PSMF1: variants seen among roughly 807,000 people sequenced by gnomAD.
PSMF1 encodes proteasome inhibitor subunit 1.
Under a neutral mutation model 29.3 loss-of-function variants are expected in PSMF1, and 30 were observed. That is an observed-to-expected ratio of 1.02 (90% CI 0.77 to 1.39). The LOEUF is 1.39. Ranked by LOEUF, PSMF1 falls within the 40% of genes most tolerant of loss-of-function variation. PSMF1 has a pLI of 0.00. For synonymous variants in PSMF1, 134 were observed against 139.7 expected (o/e 0.96, Z 0.29); for missense variants, 344 against 357.5 (o/e 0.96, Z 0.31).
intron 1 of PSMF1, 77 bp downstream of exon 1, chr20:1,118,979 G>T: frequency 6.5e-7 from 1 of 1,539,868 alleles, no homozygotes; most frequent in Middle Eastern, 1.7e-4. Context: ...GCCTGGTCCA[G>T]AGCGCCCGAT....
intron 4 of PSMF1, among the ~76,000 whole-genome samples, chr20:1,154,918 G>A (rs2086574866): frequency 1.3e-5 from 2 of 152,352 alleles, no homozygotes; most frequent in East Asian, 3.9e-4. Context: ...TAGCAGCTGG[G>A]AAGGCAGCCA....
chr20:1,116,289 A>AT (rs147130864), upstream of PSMF1, among the ~76,000 whole-genome samples: 4,382 of 152,332 alleles, frequency 0.029, 201 homozygotes, highest in African/African-American at 0.1. Flanking sequence ...GGGAAGACTG[A>AT]AAGTGCAGAA....
chr20:1,127,650 CT>C, intron 3 of PSMF1, 142 bp downstream of exon 3: 1 of 703,566 alleles, frequency 1.4e-6, no homozygotes, highest in Non-Finnish European at 2.4e-6. Context: ...TCCTAATTTT[CT>C]TTTCTGTTTT....
intron 2 of PSMF1, chr20:1,127,186 C>T: frequency 1.5e-6 from 1 of 674,798 alleles, no homozygotes; most frequent in Admixed American, 2.1e-5. Context: ...CATGCCTGAG[C>T]CCTTTTGCAA....
At chr20:1,135,792 T>G (rs1243841965) in intron 4 of PSMF1, among the ~76,000 whole-genome samples, 1 of 152,228 alleles carries the variant, frequency 6.6e-6, no homozygotes, top group East Asian at 1.9e-4. Context: ...GTTCAGAAGT[T>G]TTCCAAAATA....
intron 4 of PSMF1, chr20:1,161,458 A>T: frequency 2.1e-6 from 1 of 475,532 alleles, no homozygotes; most frequent in South Asian, 2.6e-5. Flanking sequence ...CTGTATGCCA[A>T]CACGGTGCTG....
rs746406333 is a variant in PSMF1, at chr20:1,170,272, T to C, written c.*5192T>C. ...TGTGTAAACTTAAAGTGAGAGAAGC[T>C]CACATGGACTATGTCTTTTTCCTTT... On this transcript the variant is annotated 3_prime_UTR_variant, in exon 7 of 7. Coordinates refer to ENST00000335877, the MANE Select transcript of PSMF1 (RefSeq NM_006814.5). Among the ~76,000 whole-genome samples the C allele has an allele frequency of 2.0e-4, 31 of 152,188 alleles. No homozygotes were observed. The highest frequency in any genetic ancestry group is 3.2e-4 in the Non-Finnish European group (22 of 68,036).
intron 4 of PSMF1, among the ~76,000 whole-genome samples, chr20:1,137,681 G>A (rs2086324650): frequency 6.6e-6 from 1 of 152,162 alleles, no homozygotes; most frequent in Non-Finnish European, 1.5e-5. Context: ...AAAATGCAGT[G>A]TTGGACCTTG....
chr20:1,142,541 A>G (rs543043774), intron 4 of PSMF1, among the ~76,000 whole-genome samples: 52 of 152,232 alleles, frequency 3.4e-4, no homozygotes, highest in Non-Finnish European at 6.6e-4. Context: ...TGCCCTTGCA[A>G]TAGTTTGCTG....
At chr20:1,139,757 A>AGG (rs57718820) in intron 4 of PSMF1, among the ~76,000 whole-genome samples, 1 of 147,800 alleles carries the variant, frequency 6.8e-6, no homozygotes, top group Non-Finnish European at 1.5e-5. Context: ...AAAAAAAAAA[A>AGG]CGATAAAAAT....
At chr20:1,129,350 C>T (rs2086200428) in intron 3 of PSMF1, among the ~76,000 whole-genome samples, 1 of 152,172 alleles carries the variant, frequency 6.6e-6, no homozygotes, top group Non-Finnish European at 1.5e-5. Flanking sequence ...CTTAACCGAA[C>T]CTCAGAACTG....
intron 4 of PSMF1, among the ~76,000 whole-genome samples, chr20:1,149,283 C>G (rs2086495789): frequency 6.6e-6 from 1 of 152,212 alleles, no homozygotes; most frequent in Non-Finnish European, 1.5e-5. Flanking sequence ...AATGTGGAAT[C>G]AATCCATACC....
upstream of PSMF1, among the ~76,000 whole-genome samples, chr20:1,117,026 T>A (rs888964156): frequency 1.4e-4 from 21 of 152,178 alleles, no homozygotes; most frequent in African/African-American, 4.3e-4. Context: ...TGCTGGAGGA[T>A]CAGACCAGAG....
At chr20:1,146,738 T>C (rs1377117121) in intron 4 of PSMF1, among the ~76,000 whole-genome samples, 18 of 152,214 alleles carry the variant, frequency 1.2e-4, no homozygotes, top group Admixed American at 3.3e-4. Flanking sequence ...CTTACACCTT[T>C]CCCTGTCTCA....
At chr20:1,152,438 T>A (rs1207317670) in intron 4 of PSMF1, among the ~76,000 whole-genome samples, 1 of 152,148 alleles carries the variant, frequency 6.6e-6, no homozygotes, top group Non-Finnish European at 1.5e-5. Flanking sequence ...CTTGGATTGC[T>A]CCAAATACTG....
intron 4 of PSMF1, among the ~76,000 whole-genome samples, chr20:1,150,179 CAA>C (rs1164150737): frequency 4.8e-4 from 54 of 111,798 alleles, no homozygotes; most frequent in Non-Finnish European, 4.8e-4. Flanking sequence ...GACCCTGTCT[CAA>C]AAAAAAAAAA....
chr20:1,142,964 T>A (rs1279942559), intron 4 of PSMF1, among the ~76,000 whole-genome samples: 3 of 152,200 alleles, frequency 2.0e-5, no homozygotes, highest in Admixed American at 6.5e-5. Context: ...AAGATTTTTA[T>A]ACTGAAAACT....
intron 3 of PSMF1, among the ~76,000 whole-genome samples, chr20:1,133,156 G>A (rs965040666): frequency 4.0e-5 from 6 of 151,172 alleles, no homozygotes; most frequent in Admixed American, 2.0e-4. Flanking sequence ...TGCTTTCCTC[G>A]TTCCCAATCT....
At chr20:1,135,792 T>C (rs1243841965) in intron 4 of PSMF1, among the ~76,000 whole-genome samples, 2 of 152,228 alleles carry the variant, frequency 1.3e-5, no homozygotes, top group African/African-American at 2.4e-5. Context: ...GTTCAGAAGT[T>C]TTCCAAAATA....
Sources: gnomAD v4.1 joint callset for allele counts (sites outside exome capture counted in the v4.1 genomes callset) on GRCh38, gnomAD v4.1.1 for gene constraint, MANE v1.5 for transcripts, NCBI Gene and HGNC (gene_info 2026-07-23, HGNC 2026-07-21) for gene names.